The following GIGYF2 variants were observed in gnomAD, a reference collection of about 807,000 sequenced individuals.
GIGYF2 encodes the protein GRB10 interacting GYF protein 2.
Under a neutral mutation model 208.1 loss-of-function variants are expected in GIGYF2, and 25 were observed. That is an observed-to-expected ratio of 0.12 (90% confidence interval 0.09 to 0.17). The LOEUF is 0.17. Among genes scored for constraint, GIGYF2 ranks in the 10% least tolerant of loss-of-function variants. The probability of loss-of-function intolerance (pLI) is 1.00; values close to 1 mark genes in which losing one functional copy is unlikely to be tolerated. For synonymous variants in GIGYF2, 534 were observed against 543.8 expected, an observed-to-expected ratio of 0.98 and a Z score of 0.25; for missense variants, 1,302 against 1,579.4, an observed-to-expected ratio of 0.82 and a Z score of 2.98.
chr2:232,723,432 C>CTTTTTTTTTT (rs371379851), intron 2 of GIGYF2, among the ~76,000 whole-genome samples: 1 of 135,106 alleles, frequency 7.4e-6, no homozygotes. Flanking sequence ...CTTTTCTTTT[C>CTTTTTTTTTT]TTTTTTTTTT....
chr2:232,830,859 CAT>C (rs1701407007), intron 21 of GIGYF2, among the ~76,000 whole-genome samples: 1 of 152,148 alleles, frequency 6.6e-6, no homozygotes, highest in South Asian at 2.1e-4. Context: ...AAGAGAATAT[CAT>C]ATTACATTTA....
intron 3 of GIGYF2, among the ~76,000 whole-genome samples, chr2:232,738,016 A>C (rs1354102392): frequency 2.0e-5 from 3 of 150,272 alleles, no homozygotes; most frequent in Admixed American, 6.7e-5. Flanking sequence ...TCCAGGGTTC[A>C]AGTGATTCTT....
intron 22 of GIGYF2, among the ~76,000 whole-genome samples, chr2:232,836,309 TATATATATATATATATATATAC>T (rs1419754623): frequency 3.0e-4 from 6 of 20,316 alleles, no homozygotes; most frequent in South Asian, 1.1e-3. Context: ...TATATATATA[TATATATATATATATATATATAC>T]ATATATATAC....
chr2:232,697,980 G>A (rs1398037866), intron 1 of GIGYF2, among the ~76,000 whole-genome samples: 3 of 152,220 alleles, frequency 2.0e-5, no homozygotes, highest in African/African-American at 7.2e-5. Context: ...GAGGCGAGGT[G>A]CAGCCACCAT....
intron 21 of GIGYF2, among the ~76,000 whole-genome samples, chr2:232,820,312 ATT>A (rs2106395615): frequency 8.4e-6 from 1 of 118,898 alleles, no homozygotes; most frequent in East Asian, 2.5e-4. Flanking sequence ...CCCAGCAATA[ATT>A]TCTTTTTTTT....
At chr2:232,726,086 G>A (rs1218301536) in intron 2 of GIGYF2, among the ~76,000 whole-genome samples, 2 of 152,106 alleles carry the variant, frequency 1.3e-5, no homozygotes, top group South Asian at 2.1e-4. Flanking sequence ...GAGGCTGGGC[G>A]CCGTGGCCCA....
intron 28 of GIGYF2, among the ~76,000 whole-genome samples, chr2:232,856,280 A>G (rs2106438470): frequency 6.6e-6 from 1 of 151,612 alleles, no homozygotes; most frequent in Non-Finnish European, 1.5e-5. Flanking sequence ...TTTCCTTCCT[A>G]ATTAGGTTAT....
At chr2:232,778,326 A>T (rs1215375836) in intron 8 of GIGYF2, among the ~76,000 whole-genome samples, 1 of 152,224 alleles carries the variant, frequency 6.6e-6, no homozygotes, top group East Asian at 1.9e-4. Flanking sequence ...CAATATATTG[A>T]GACAAAAATG....
chr2:232,789,212 T>C (rs1700000371), intron 9 of GIGYF2, among the ~76,000 whole-genome samples: 1 of 152,164 alleles, frequency 6.6e-6, no homozygotes, highest in South Asian at 2.1e-4. Flanking sequence ...GAACTACTGA[T>C]AAGATAACAT....
At chr2:232,800,460 G>A (rs1700362517) in intron 14 of GIGYF2, among the ~76,000 whole-genome samples, 1 of 151,880 alleles carries the variant, frequency 6.6e-6, no homozygotes, top group African/African-American at 2.4e-5. Flanking sequence ...GGGGCCCTCT[G>A]TTCTATTTTA....
chr2:232,709,051 G>A (rs1356111020), intron 2 of GIGYF2, among the ~76,000 whole-genome samples: 1 of 152,096 alleles, frequency 6.6e-6, no homozygotes, highest in Non-Finnish European at 1.5e-5. Flanking sequence ...GAACCTGGGA[G>A]GTGGAGGTTG....
chr2:232,699,434 TGGAAAG>T (rs1312400709), intron 1 of GIGYF2, among the ~76,000 whole-genome samples: 3 of 152,190 alleles, frequency 2.0e-5, no homozygotes, highest in Non-Finnish European at 2.9e-5. Flanking sequence ...TTGTGATTCT[TGGAAAG>T]GGAAATCAGA....
At chr2:232,710,692 C>CTTTT (rs35154227) in intron 2 of GIGYF2, among the ~76,000 whole-genome samples, 7 of 113,976 alleles carry the variant, frequency 6.1e-5, no homozygotes, top group African/African-American at 1.0e-4. Flanking sequence ...TCTTGGTGTT[C>CTTTT]TTTTTTTTTT....
intron 8 of GIGYF2, among the ~76,000 whole-genome samples, chr2:232,781,322 A>ACAC (rs1559427073): frequency 2.0e-5 from 3 of 149,712 alleles, no homozygotes; most frequent in Non-Finnish European, 3.0e-5. Context: ...ACACACACAC[A>ACAC]ACTTATAAAG....
chr2:232,807,190 G>C (rs1700585921), intron 15 of GIGYF2, among the ~76,000 whole-genome samples: 1 of 151,950 alleles, frequency 6.6e-6, no homozygotes. Context: ...AATATTTTTA[G>C]GGCTTAAAAA....
intron 15 of GIGYF2, among the ~76,000 whole-genome samples, chr2:232,807,911 TCA>T (rs1700608001): frequency 3.3e-5 from 5 of 152,304 alleles, no homozygotes; most frequent in South Asian, 2.1e-4. Context: ...TACAGTAAAG[TCA>T]CCATTGACTT....
chr2:232,798,229 A>T, intron 14 of GIGYF2, among the ~76,000 whole-genome samples: 1 of 152,204 alleles, frequency 6.6e-6, no homozygotes, highest in East Asian at 1.9e-4. Flanking sequence ...GTTGTTGCAT[A>T]TATCAGTAGC....
chr2:232,839,858 T>A lies in GIGYF2; in HGVS notation c.2776T>A (p.Ser926Thr). 1 of 1,614,166 alleles carries A rather than the reference T, an allele frequency of 6.2e-7. No individual in the cohort carries two copies. The highest frequency in any genetic ancestry group is 8.5e-7 in the Non-Finnish European group (1 of 1,179,990). Residue 926 changes from serine to threonine, a missense_variant, in exon 23 of 29, where the codon TCT becomes ACT. By Grantham distance (58) the Ser-to-Thr change is moderately conservative. Around this residue, in one of 8 missense-constraint regions of GIGYF2, gnomAD observed 701 missense variants for 793.0 expected, o/e 0.88. Transcript: ENST00000373563. ...QQLAQMKLPSSSTWGQQSNTT... is the reference protein window; with the variant it reads ...QQLAQMKLPSTSTWGQQSNTT... ...TTCCCTTTTTTGTTAGCTTCCTTCTTCTTCAACGTGGGGCCAGCAGTCCAA... is the reference window on the plus strand; with the variant it reads ...TTCCCTTTTTTGTTAGCTTCCTTCTACTTCAACGTGGGGCCAGCAGTCCAA...
chr2:232,753,150 A>C (rs1234782375), intron 5 of GIGYF2, among the ~76,000 whole-genome samples: 1 of 147,082 alleles, frequency 6.8e-6, no homozygotes, highest in Non-Finnish European at 1.5e-5. Context: ...TTGAGACAGA[A>C]TCTCACTCTG....
Sources: allele counts gnomAD v4.1 joint callset (sites outside exome capture counted in the v4.1 genomes callset), GRCh38; gene constraint gnomAD v4.1.1; regional missense constraint gnomAD v4.1.1; transcripts MANE v1.5; gene names NCBI Gene and HGNC (gene_info 2026-07-23, HGNC 2026-07-21).